CTTNBP2: variants seen among roughly 807,000 people sequenced by gnomAD.
CTTNBP2 encodes the protein cortactin binding protein 2.
Under a neutral mutation model 156.9 loss-of-function variants are expected in CTTNBP2, and 108 were observed. That is an observed-to-expected ratio of 0.69 (90% confidence interval 0.59 to 0.81). The LOEUF (loss-of-function observed/expected upper bound fraction) is 0.81, where lower values mean the gene tolerates loss of function less well. Ranked by LOEUF, CTTNBP2 falls within the 30% of genes least tolerant of loss-of-function variation. The pLI is 0.00. For synonymous variants in CTTNBP2, 767 were observed against 751.8 expected (o/e 1.02, Z -0.33); for missense variants, 1,924 against 2,035.4 (o/e 0.95, Z 1.05).
intron 2 of CTTNBP2, among the ~76,000 whole-genome samples, chr7:117,836,446 C>A (rs1801943700): frequency 6.6e-6 from 1 of 152,126 alleles, no homozygotes; most frequent in African/African-American, 2.4e-5. Flanking sequence ...CGCCTGTAGT[C>A]CCAGCCACTC....
At position 117,792,544 on chromosome 7, in the gene CTTNBP2, G is replaced by T; in HGVS notation, c.652C>A (p.Arg218=). The part of the protein sequence containing the change: ...ELEEELSAEK[R]RSTEMEAQME... ...TGAGCTTCCATTTCTGTGCTTCTTC[G>T]TTTCTCAGCGGAGAGTTCCTCTTCT... Residue 218 remains arginine (R), a synonymous_variant, in exon 4 of 23, where the codon CGA becomes AGA. Coordinates refer to ENST00000160373, the MANE Select transcript of CTTNBP2 (RefSeq NM_033427.3). The surrounding 1 kb of genome is among the most constrained non-coding windows in gnomAD (Gnocchi z 4.2). 6.2e-7 allele frequency: 1 copy of T among 1,614,122 alleles called. No individual in the cohort carries two copies.
rs578212790 is a variant in CTTNBP2 at position 117,869,195 on chromosome 7, C to T, written c.81+4140G>A. ...TCATTGAGAAAAGCAGCTTGGAAAG[C>T]GGCAGTATTAAGATGAAAATTTTAA... On this transcript the variant is annotated intron_variant, in intron 1 of 22. Transcript: ENST00000160373. 4.6e-5 allele frequency among the ~76,000 whole-genome samples: 7 copies of T among 152,266 alleles called. No homozygotes were observed. The South Asian group carries it at 6.2e-4, about 14-fold the overall frequency.
At chr7:117,754,865 G>A (rs1639086207) in intron 12 of CTTNBP2, among the ~76,000 whole-genome samples, 1 of 152,144 alleles carries the variant, frequency 6.6e-6, no homozygotes, top group Non-Finnish European at 1.5e-5. Context: ...CATATAATGT[G>A]ACTAGCAGAC....
intron 3 of CTTNBP2, among the ~76,000 whole-genome samples, chr7:117,799,106 GA>G (rs549981355): frequency 8.2e-5 from 12 of 145,960 alleles, no homozygotes; most frequent in South Asian, 4.4e-4. Flanking sequence ...AAACATTAAA[GA>G]AAAAAAAAAT....
intron 2 of CTTNBP2, among the ~76,000 whole-genome samples, chr7:117,831,950 C>A (rs763755711): frequency 6.6e-6 from 1 of 152,162 alleles, no homozygotes; most frequent in Admixed American, 6.5e-5. Flanking sequence ...CTTCTAGAAA[C>A]AGTATTCTAT....
chr7:117,865,899 T>C lies in CTTNBP2; in HGVS notation c.82-4583A>G, dbSNP rs142137184. Among the ~76,000 whole-genome samples the C allele has an allele frequency of 6.1e-3, 908 of 148,452 alleles. 12 individuals are homozygous for C. Among genetic ancestry groups the C allele is most frequent in the African/African-American group, 0.021 (848 of 40,916 alleles). ...TATTAATTTATTGTATGTTAATCTATTGTATATTACAATTTATTATATATA... is the reference window on the plus strand; with the variant it reads ...TATTAATTTATTGTATGTTAATCTACTGTATATTACAATTTATTATATATA... On this transcript the variant is annotated intron_variant, in intron 1 of 22. Coordinates refer to ENST00000160373, the MANE Select transcript of CTTNBP2 (RefSeq NM_033427.3).
intron 2 of CTTNBP2, among the ~76,000 whole-genome samples, chr7:117,847,997 T>G (rs1802704475): frequency 6.6e-6 from 1 of 152,014 alleles, no homozygotes; most frequent in Non-Finnish European, 1.5e-5. Context: ...CTTTGTATTT[T>G]TAGTAGAAAC....
At chr7:117,730,209 A>G (rs1349879377) in intron 16 of CTTNBP2, among the ~76,000 whole-genome samples, 1 of 152,038 alleles carries the variant, frequency 6.6e-6, no homozygotes, top group Non-Finnish European at 1.5e-5. Flanking sequence ...CTGCTTCCCT[A>G]TTCTCAGCAA....
intron 8 of CTTNBP2, among the ~76,000 whole-genome samples, chr7:117,775,219 G>GA (rs1178116348): frequency 6.6e-6 from 1 of 152,118 alleles, no homozygotes; most frequent in Non-Finnish European, 1.5e-5. Context: ...AGCAGTGTGT[G>GA]AATATTGGCA....
chr7:117,872,228 C>T (rs1804657178), intron 1 of CTTNBP2: 1 of 152,988 alleles, frequency 6.5e-6, no homozygotes, highest in Non-Finnish European at 1.5e-5. Context: ...AGCCCTACCT[C>T]CAGAGGGTGG....
At chr7:117,788,895 GAATA>G (rs1391485554) in intron 4 of CTTNBP2, among the ~76,000 whole-genome samples, 1 of 152,086 alleles carries the variant, frequency 6.6e-6, no homozygotes, top group African/African-American at 2.4e-5. Context: ...GTTCTGAGAG[GAATA>G]AATAAATAAA....
At chr7:117,844,259 C>T (rs1802446543) in intron 2 of CTTNBP2, among the ~76,000 whole-genome samples, 1 of 152,238 alleles carries the variant, frequency 6.6e-6, no homozygotes, top group South Asian at 2.1e-4. Flanking sequence ...TTCTGACCTC[C>T]AGAACTGTTA....
chr7:117,834,237 T>C (rs1386229007), intron 2 of CTTNBP2, among the ~76,000 whole-genome samples: 1 of 152,144 alleles, frequency 6.6e-6, no homozygotes, highest in Non-Finnish European at 1.5e-5. Context: ...GTATTTTTAG[T>C]AGAGACAGGG....
rs528368303 is a variant in CTTNBP2, at chr7:117,729,670, C to CT, written c.3877-1404dup. On this transcript the variant is annotated intron_variant, in intron 16 of 22. Coordinates refer to ENST00000160373, the MANE Select transcript of CTTNBP2 (RefSeq NM_033427.3). ...CCCACCAGGTACTGCAATTGCCTTCCTTTTTTTTTTCTTTTGAATTTTACC... is the reference window on the plus strand; with the variant it reads ...CCCACCAGGTACTGCAATTGCCTTCCTTTTTTTTTTTCTTTTGAATTTTACC... Among the ~76,000 whole-genome samples, 100 of 149,208 alleles carry CT rather than the reference C, an allele frequency of 6.7e-4. 1 individual carries two copies. In the East Asian group the frequency reaches 0.012, roughly 18 times the overall value.
chr7:117,773,357 A>G (rs1395254725), intron 8 of CTTNBP2, among the ~76,000 whole-genome samples: 3 of 152,188 alleles, frequency 2.0e-5, no homozygotes, highest in Non-Finnish European at 4.4e-5. Context: ...TGACTCTCAT[A>G]TGACTAAAAG....
chr7:117,863,611 T>A (rs548040081), intron 1 of CTTNBP2, among the ~76,000 whole-genome samples: 3 of 152,246 alleles, frequency 2.0e-5, no homozygotes, highest in South Asian at 2.1e-4. Flanking sequence ...ACGGACTACA[T>A]GGTGAGGAGC....
At position 117,792,529 on chromosome 7, in the gene CTTNBP2, T is replaced by A. The variant is rs772806857; in HGVS notation, c.667A>T (p.Met223Leu). ...AGTTGTTTTTCCATCTGAGCTTCCA[T>A]TTCTGTGCTTCTTCGTTTCTCAGCG... ...LSAEKRRSTE[M>L]EAQMEKQLSE... The change falls in exon 4 of 23, where the codon ATG becomes TTG. Residue 223 changes from methionine (M) to leucine (L), a missense_variant. By Grantham distance (15) the Met-to-Leu change is conservative. Transcript: ENST00000160373. The surrounding 1 kb of genome is among the most constrained non-coding windows in gnomAD (Gnocchi z 4.2). 5 of 1,614,194 alleles carry A rather than the reference T, an allele frequency of 3.1e-6. No individual in the cohort carries two copies. The highest frequency in any genetic ancestry group is 4.2e-6 in the Non-Finnish European group (5 of 1,180,034).
chr7:117,717,665 CTT>C (rs1794503993), intron 22 of CTTNBP2, among the ~76,000 whole-genome samples: 1 of 151,290 alleles, frequency 6.6e-6, no homozygotes, highest in Admixed American at 6.6e-5. Flanking sequence ...TGTATATAAA[CTT>C]TGGTACTATC....
intron 16 of CTTNBP2, 97 bp from the exon 17 acceptor site, chr7:117,728,364 A>G (rs974930336): frequency 3.4e-6 from 3 of 873,082 alleles, no homozygotes; most frequent in Non-Finnish European, 5.4e-6. Flanking sequence ...ATCAAAATTG[A>G]AAAGTAGCTG....
Sources: allele counts gnomAD v4.1 joint callset (sites outside exome capture counted in the v4.1 genomes callset), GRCh38; gene constraint gnomAD v4.1.1; non-coding constraint Gnocchi (gnomAD v3.1); transcripts MANE v1.5; gene names NCBI Gene and HGNC (gene_info 2026-07-23, HGNC 2026-07-21).